Variants in SEPTIN9 observed in about 807,000 individuals in gnomAD.
SEPTIN9 encodes septin-9.
SEPTIN9 carries 13 observed loss-of-function variants against 56.6 expected under a neutral mutation model. The observed-to-expected ratio is 0.23, with a 90% CI of 0.15 to 0.37. The LOEUF is 0.37. SEPTIN9 is among the 10% of genes least tolerant of loss of function. The pLI, the probability that SEPTIN9 is intolerant of heterozygous loss-of-function variation, is 1.00. For missense variants in SEPTIN9, 650 were observed against 823.1 expected, an observed-to-expected ratio of 0.79 and a Z score of 2.57; for synonymous variants, 332 against 334.1, an observed-to-expected ratio of 0.99 and a Z score of 0.07.
intron 3 of SEPTIN9, among the ~76,000 whole-genome samples, chr17:77,447,349 C>A (rs8080068): frequency 6.6e-6 from 1 of 152,216 alleles, no homozygotes; most frequent in African/African-American, 2.4e-5. Context: ...TCTCAGCCCC[C>A]ACGTCTGCAT....
At chr17:77,325,531 C>T (rs2033101506) in intron 2 of SEPTIN9, among the ~76,000 whole-genome samples, 1 of 152,158 alleles carries the variant, frequency 6.6e-6, no homozygotes, top group African/African-American at 2.4e-5. Context: ...AAGCCTGGGC[C>T]GTCTTTCTAG....
chr17:77,293,912 C>A (rs143637239), intron 1 of SEPTIN9, among the ~76,000 whole-genome samples: 4 of 151,636 alleles, frequency 2.6e-5, no homozygotes, highest in Non-Finnish European at 4.4e-5. Context: ...AAGACCGGTC[C>A]GGGCAGCGTG....
intron 2 of SEPTIN9, among the ~76,000 whole-genome samples, chr17:77,401,079 G>A (rs1338800745): frequency 1.3e-5 from 2 of 152,150 alleles, no homozygotes; most frequent in African/African-American, 2.4e-5. Flanking sequence ...TGGGGGAGCC[G>A]GACAACCAAG....
intron 2 of SEPTIN9, chr17:77,320,439 C>T (rs543800795): frequency 2.1e-5 from 23 of 1,119,878 alleles, no homozygotes; most frequent in Admixed American, 7.1e-5. Context: ...ATGCAAAGGG[C>T]GCTTTTGCTC....
chr17:77,452,190 C>A (rs866812984), intron 3 of SEPTIN9, among the ~76,000 whole-genome samples: 2 of 152,310 alleles, frequency 1.3e-5, no homozygotes, highest in Middle Eastern at 3.4e-3. Flanking sequence ...CAATGGCATG[C>A]TGCGTGTCGG....
Position 77,443,649 on chromosome 17 carries a change from T to G in SEPTIN9, c.722-38495T>G, listed in dbSNP as rs546839882. Among the ~76,000 whole-genome samples the G allele has an allele frequency of 9.9e-5, 15 of 151,778 alleles. 1 individual carries two copies. The South Asian group carries it at 2.3e-3, about 23-fold the overall frequency. On this transcript the variant is annotated intron_variant, in intron 3 of 11. Transcript: ENST00000427177. ...CTCTGCTAAAAATACAAAAAAAAAT[T>G]AGCTTGGCGTGGCGGCGCATGCTTG...
chr17:77,412,542 G>A (rs2144158936), intron 3 of SEPTIN9, among the ~76,000 whole-genome samples: 1 of 152,234 alleles, frequency 6.6e-6, no homozygotes, highest in African/African-American at 2.4e-5. Context: ...TTCGAGACCA[G>A]CCTAGGCAAC....
In SEPTIN9 at chr17:77,318,307, C is replaced by T; in HGVS notation, c.76+11110C>T. Among the ~76,000 whole-genome samples, 1 of 151,976 alleles carries T rather than the reference C, an allele frequency of 6.6e-6. No individual in the cohort carries two copies. The highest frequency in any genetic ancestry group is 1.5e-5 in the Non-Finnish European group (1 of 67,998). ...CTCTCCGGGCCCCATCTCCACTTGG[C>T]CATCCCTGTCTGTGTCAAATCTCCC... On this transcript the variant is annotated intron_variant, in intron 2 of 11. Coordinates refer to ENST00000427177, the MANE Select transcript of SEPTIN9 (RefSeq NM_001113491.2). The surrounding 1 kb of genome is among the most constrained non-coding windows in gnomAD (Gnocchi z 4.9).
intron 2 of SEPTIN9, among the ~76,000 whole-genome samples, chr17:77,385,091 G>A (rs1321697454): frequency 6.6e-6 from 1 of 152,012 alleles, no homozygotes; most frequent in African/African-American, 2.4e-5. Context: ...CAACACTCTG[G>A]GAGGCTGAGG....
chr17:77,338,184 G>A (rs1057097352), intron 2 of SEPTIN9, among the ~76,000 whole-genome samples: 4 of 151,582 alleles, frequency 2.6e-5, no homozygotes, highest in African/African-American at 9.7e-5. Context: ...GTGACAGGGC[G>A]AGACTCCATC....
In SEPTIN9 at chr17:77,367,735, C is replaced by T. The variant is rs1402738048; in HGVS notation, c.77-34324C>T. On this transcript the variant is annotated intron_variant, in intron 2 of 11. Transcript: ENST00000427177. This position sits in a 1 kb window ranked among gnomAD's most constrained non-coding sequence, Gnocchi z 4.5. ...GGAGGCTGAGGCAGGAGAATTGCTC[C>T]GATCTGGGAGGCGGAGGTTGCAGTG... is the stretch of plus-strand genomic sequence containing the variant. Among the ~76,000 whole-genome samples, 12 of 151,936 alleles carry T rather than the reference C, an allele frequency of 7.9e-5. No homozygotes were observed. The highest frequency in any genetic ancestry group is 6.6e-5 in the Admixed American group (1 of 15,224).
intron 3 of SEPTIN9, among the ~76,000 whole-genome samples, chr17:77,428,221 G>A (rs1568061386): frequency 6.6e-6 from 1 of 152,250 alleles, no homozygotes; most frequent in East Asian, 1.9e-4. Context: ...AAGGAAGCAA[G>A]GTATGAACAC....
In SEPTIN9 at chr17:77,475,925, T is replaced by G; in HGVS notation, c.722-6219T>G. 1 of 1,597,032 alleles carries G rather than the reference T, an allele frequency of 6.3e-7. No homozygotes were observed. The highest frequency in any genetic ancestry group is 8.6e-7 in the Non-Finnish European group (1 of 1,169,200). ...CAAGGTGTGTGGGGATGTGGCCATT[T>G]CGGTCCGTGCTCTGAGAGCCAGGTG... On this transcript the variant is annotated intron_variant, in intron 3 of 11. Coordinates refer to ENST00000427177, the MANE Select transcript of SEPTIN9 (RefSeq NM_001113491.2). This position sits in a 1 kb window ranked among gnomAD's most constrained non-coding sequence, Gnocchi z 4.6.
intron 3 of SEPTIN9, among the ~76,000 whole-genome samples, chr17:77,409,347 G>A (rs901690705): frequency 6.6e-6 from 1 of 152,138 alleles, no homozygotes; most frequent in Non-Finnish European, 1.5e-5. Context: ...GGGACGGGGT[G>A]GGGCCAGAGA....
chr17:77,488,302 C>T lies in SEPTIN9; in HGVS notation c.1105C>T (p.His369Tyr). The stretch of plus-strand genomic sequence containing the variant: ...GATTGACACACCAGGGTTCGGGGAC[C>T]ACATCAACAACGAGAACTGGTGAGG... ...TVIDTPGFGD[H>Y]INNENCWQPI... The change falls in exon 6 of 12, where the codon CAC (histidine) becomes TAC (tyrosine). Residue 369 changes from histidine (H) to tyrosine (Y), a missense_variant. Transcript: ENST00000427177. 1.9e-6 allele frequency: 3 copies of T among 1,613,628 alleles called. No homozygotes were observed. The highest frequency in any genetic ancestry group is 1.3e-5 in the African/African-American group (1 of 75,038).
chr17:77,384,566 T>G (rs2035264035), intron 2 of SEPTIN9, among the ~76,000 whole-genome samples: 1 of 151,736 alleles, frequency 6.6e-6, no homozygotes, highest in South Asian at 2.1e-4. Context: ...GGGCAGAGGT[T>G]CACACCTGCA....
At chr17:77,423,786 G>A (rs1025314145) in intron 3 of SEPTIN9, among the ~76,000 whole-genome samples, 3 of 152,246 alleles carry the variant, frequency 2.0e-5, no homozygotes, top group Admixed American at 6.5e-5. Context: ...AAAGGAGAGA[G>A]TGAGTAAGAA....
chr17:77,383,595 C>A (rs1206563549), intron 2 of SEPTIN9, among the ~76,000 whole-genome samples: 1 of 152,204 alleles, frequency 6.6e-6, no homozygotes, highest in Non-Finnish European at 1.5e-5. Context: ...ACGGGGGCTG[C>A]CTCTGCCCCA....
At chr17:77,446,753 G>A (rs968842927) in intron 3 of SEPTIN9, 1 of 167,072 alleles carries the variant, frequency 6.0e-6, no homozygotes. Flanking sequence ...GCCACATGAG[G>A]TAACACAGTT....
Sources: gnomAD v4.1 joint callset for allele counts (sites outside exome capture counted in the v4.1 genomes callset) on GRCh38, gnomAD v4.1.1 for gene constraint, Gnocchi (gnomAD v3.1) non-coding constraint, MANE v1.5 for transcripts, NCBI Gene and HGNC (gene_info 2026-07-23, HGNC 2026-07-21) for gene names.